FCRL2: variants seen among roughly 807,000 people sequenced by gnomAD.
FCRL2 encodes Fc receptor like 2.
FCRL2 carries 48 observed loss-of-function variants against 59.8 expected under a neutral mutation model. That is an observed-to-expected ratio of 0.80 (90% CI 0.64 to 1.02). The LOEUF is 1.02. Ranked by LOEUF, FCRL2 falls within the 50% of genes least tolerant of loss-of-function variation. The pLI, the probability that FCRL2 is intolerant of heterozygous loss-of-function variation, is 0.00. For missense variants in FCRL2, 658 were observed against 597.3 expected (o/e 1.10, Z -1.06); for synonymous variants, 251 against 229.5 (o/e 1.09, Z -0.85).
At chr1:157,768,118 A>G (rs1332113694) in intron 5 of FCRL2, 1 of 332,422 alleles carries the variant, frequency 3.0e-6, no homozygotes, top group African/African-American at 2.1e-5. Flanking sequence ...AACCTTTTAG[A>G]TCCATGACAC....
intron 1 of FCRL2, among the ~76,000 whole-genome samples, chr1:157,776,808 C>G (rs534137276): frequency 6.6e-6 from 1 of 152,138 alleles, no homozygotes; most frequent in African/African-American, 2.4e-5. Context: ...TCATGACCAG[C>G]AAATGGAAAA....
chr1:157,751,199 A>T (rs1261022579), intron 7 of FCRL2, among the ~76,000 whole-genome samples: 2 of 152,236 alleles, frequency 1.3e-5, no homozygotes, highest in Admixed American at 6.5e-5. Context: ...GGTAGATCAA[A>T]TAATAAATTC....
rs149860991 is a variant in FCRL2, at chr1:157,770,447, C to A, written c.272G>T (p.Trp91Leu). Residue 91 changes from tryptophan to leucine, a missense_variant, in exon 3 of 12, where the codon TGG becomes TTG. By Grantham distance (61) the Trp-to-Leu change is moderately conservative (BLOSUM62 -2). Coordinates refer to ENST00000361516, the MANE Select transcript of FCRL2 (RefSeq NM_030764.4). Reference sequence around the variant, plus strand: ...CTTTACTATATTTGAAGTTTTATCCCAGAGAAAGAGTTGTCCTTTGGTACT... The same window carrying A: ...CTTTACTATATTTGAAGTTTTATCCAAGAGAAAGAGTTGTCCTTTGGTACT... ...FCSTKGQLFL[W>L]DKTSNIVKIK... 22 of 1,613,988 alleles carry A rather than the reference C, an allele frequency of 1.4e-5. No homozygotes were observed. Among genetic ancestry groups the A allele is most frequent in the Non-Finnish European group, 5.1e-6 (6 of 1,179,964 alleles).
intron 7 of FCRL2, among the ~76,000 whole-genome samples, chr1:157,760,707 GA>G (rs763431250): frequency 1.9e-5 from 2 of 104,926 alleles, no homozygotes; most frequent in African/African-American, 4.0e-5. Context: ...AGGAAAGAAA[GA>G]AAGAAAGAAA....
chr1:157,764,915 GA>G (rs1199149356), intron 7 of FCRL2, among the ~76,000 whole-genome samples: 1 of 152,042 alleles, frequency 6.6e-6, no homozygotes, highest in Non-Finnish European at 1.5e-5. Context: ...CAAGGAACTA[GA>G]AAACCAAGAA....
chr1:157,774,213 G>A (rs1650239882), intron 2 of FCRL2, among the ~76,000 whole-genome samples: 1 of 152,220 alleles, frequency 6.6e-6, no homozygotes, highest in African/African-American at 2.4e-5. Context: ...TGAGGCAATG[G>A]ATGGGGACAG....
rs553128175 is a variant in FCRL2 at position 157,772,772 on chromosome 1, A to C, written c.53-2106T>G. ...GGAAGTATTTTTACCTTTTTCATGCACTTATAATTTTTACCTTCTCTCCAT... is the reference window on the plus strand; with the variant it reads ...GGAAGTATTTTTACCTTTTTCATGCCCTTATAATTTTTACCTTCTCTCCAT... On this transcript the variant is annotated intron_variant, in intron 2 of 11. Coordinates refer to ENST00000361516, the MANE Select transcript of FCRL2 (RefSeq NM_030764.4). Among the ~76,000 whole-genome samples the C allele has an allele frequency of 2.6e-5, 4 of 152,240 alleles. No individual in the cohort carries two copies. The East Asian group carries it at 5.8e-4, about 22-fold the overall frequency.
rs765227963 is a variant in FCRL2 at position 157,770,182 on chromosome 1, C to A, written c.311-32G>T. 3.7e-6 allele frequency: 6 copies of A among 1,600,602 alleles called. No individual in the cohort carries two copies. The Admixed American group carries it at 1.0e-4, about 27-fold the overall frequency. On this transcript the variant is annotated intron_variant, in intron 3 of 11. Transcript: ENST00000361516. ...AGAAGGATCACAATAGTCCCCAAAG[C>A]AGTGACAGCTAAGATTCCTGCTGAA...
intron 9 of FCRL2, 51 bp from the exon 10 acceptor site, chr1:157,748,669 C>T (rs760491221): frequency 6.7e-7 from 1 of 1,487,612 alleles, no homozygotes; most frequent in Admixed American, 1.7e-5. Flanking sequence ...AGGGTTCACA[C>T]TTCATACACA....
At chr1:157,752,187 C>T (rs539704912) in intron 7 of FCRL2, among the ~76,000 whole-genome samples, 1 of 152,274 alleles carries the variant, frequency 6.6e-6, no homozygotes, top group South Asian at 2.1e-4. Context: ...TGTCCCCACC[C>T]AAATCTCATC....
At chr1:157,762,356 G>A (rs1431525492) in intron 7 of FCRL2, among the ~76,000 whole-genome samples, 3 of 152,164 alleles carry the variant, frequency 2.0e-5, no homozygotes, top group African/African-American at 7.2e-5. Flanking sequence ...GGCTGCCCAG[G>A]GGCCTGAGAA....
At chr1:157,748,689 G>A in intron 9 of FCRL2, 71 bp from the exon 10 acceptor site, 2 of 1,357,392 alleles carry the variant, frequency 1.5e-6, no homozygotes, top group Non-Finnish European at 1.1e-6. Context: ...AGCTTCCCAG[G>A]CCCTGGCTTA....
intron 4 of FCRL2, 170 bp downstream of exon 4, chr1:157,769,696 G>T: frequency 1.6e-6 from 1 of 642,362 alleles, no homozygotes; most frequent in Non-Finnish European, 2.6e-6. Flanking sequence ...CAAAGTGCTG[G>T]GATTACAGGC....
intron 7 of FCRL2, among the ~76,000 whole-genome samples, chr1:157,756,600 A>C (rs1331286102): frequency 6.6e-6 from 1 of 151,754 alleles, no homozygotes; most frequent in Non-Finnish European, 1.5e-5. Flanking sequence ...GATCACCTGA[A>C]CTTGGGACAT....
At chr1:157,774,567 G>A in intron 2 of FCRL2, 1 of 423,576 alleles carries the variant, frequency 2.4e-6, no homozygotes, top group Admixed American at 2.7e-5. Context: ...TCTCTGAATG[G>A]TCGTAGGTGA....
At position 157,767,525 on chromosome 1, in the gene FCRL2, G is replaced by T; in HGVS notation, c.884-16C>A. The T allele has an allele frequency of 1.2e-6, 2 of 1,614,206 alleles. No individual in the cohort carries two copies. The highest frequency in any genetic ancestry group is 1.7e-6 in the Non-Finnish European group (2 of 1,180,034). The stretch of plus-strand genomic sequence containing the variant: ...GACACTGGAACTGACAGACACAGAG[G>T]GGCTATCAGAAAAGATTTGTGATGC... On this transcript the variant is annotated splice_polypyrimidine_tract_variant and intron_variant, in intron 5 of 11. Transcript: ENST00000361516.
At position 157,746,720 on chromosome 1, in the gene FCRL2, C is replaced by T; in HGVS notation, c.*16G>A. 1 of 1,612,736 alleles carries T rather than the reference C, an allele frequency of 6.2e-7. No homozygotes were observed. The highest frequency in any genetic ancestry group is 1.1e-5 in the South Asian group (1 of 91,042). ...CCATCCTTGCTGTTGATCTTCCCTT[C>T]TGATTCCTCCAAGTGTTATGATTTC... On this transcript the variant is annotated 3_prime_UTR_variant, in exon 12 of 12. Coordinates refer to ENST00000361516, the MANE Select transcript of FCRL2 (RefSeq NM_030764.4).
Position 157,770,092 on chromosome 1 carries a change from T to C in FCRL2, c.369A>G (p.Pro123=). 1 of 1,614,188 alleles carries C rather than the reference T, an allele frequency of 6.2e-7. No homozygotes were observed. The highest frequency in any genetic ancestry group is 8.5e-7 in the Non-Finnish European group (1 of 1,180,020). The change falls in exon 4 of 12, where the codon CCA becomes CCG. Residue 123 remains proline, a synonymous_variant. Transcript: ENST00000361516. ...GCCGGGTCTCACATTTCAGGCTCACTGGACCCCCTTCGATGGGCTGGAAGG... is the reference window on the plus strand; with the variant it reads ...GCCGGGTCTCACATTTCAGGCTCACCGGACCCCCTTCGATGGGCTGGAAGG... ...ASSFQPIEGG[P]VSLKCETRLS...
intron 8 of FCRL2, 82 bp downstream of exon 8, chr1:157,749,568 G>A (rs750471317): frequency 6.0e-5 from 57 of 952,650 alleles, no homozygotes; most frequent in East Asian, 1.9e-4. Context: ...CAGTCTCAAC[G>A]TACAAGCAGA....
Sources: gnomAD v4.1 joint callset for allele counts (sites outside exome capture counted in the v4.1 genomes callset) on GRCh38, gnomAD v4.1.1 for gene constraint, MANE v1.5 for transcripts, NCBI Gene and HGNC (gene_info 2026-07-23, HGNC 2026-07-21) for gene names.